FGFR1: variants seen among roughly 807,000 people sequenced by gnomAD.
FGFR1 encodes the protein FGFR1/PLAG1 fusion.
FGFR1 carries 18 observed loss-of-function variants against 93.7 expected under a neutral mutation model. The ratio of observed to expected loss-of-function variants is 0.19; its 90% CI spans 0.13 to 0.28. The LOEUF (loss-of-function observed/expected upper bound fraction) is 0.28. Ranked by LOEUF, FGFR1 falls within the 10% of genes least tolerant of loss-of-function variation. The pLI, the probability that FGFR1 is intolerant of heterozygous loss-of-function variation, is 1.00. For missense variants in FGFR1, 731 were observed against 1,080.4 expected (o/e 0.68, Z 4.53); for synonymous variants, 448 against 429.3 (o/e 1.04, Z -0.54).
At position 38,424,565 on chromosome 8, in the gene FGFR1, C is replaced by T. The variant is rs528376963; in HGVS notation, c.880G>A (p.Glu294Lys). Residue 294 changes from glutamate to lysine, a missense_variant, in exon 7 of 18, where the codon GAG (glutamate) becomes AAG (lysine). Physicochemically the swap from Glu to Lys is moderately conservative, Grantham distance 56. Around this residue, in one of 10 missense-constraint regions of FGFR1, gnomAD observed 109 missense variants for 249.4 expected, o/e 0.44. Coordinates refer to ENST00000447712, the MANE Select transcript of FGFR1 (RefSeq NM_023110.3). The surrounding 1 kb of genome is among the most constrained non-coding windows in gnomAD (Gnocchi z 4.3). Reference protein sequence around the residue: ...QPHIQWLKHIEVNGSKIGPDN... With the variant: ...QPHIQWLKHIKVNGSKIGPDN... ...GGGCCAATCTTGCTCCCATTCACCT[C>T]GATGTGCTTTAGCCACTGGATGTGC... 3 of 1,614,242 alleles carry T rather than the reference C, an allele frequency of 1.9e-6. No homozygotes were observed. The highest frequency in any genetic ancestry group is 1.1e-5 in the South Asian group (1 of 91,082).
At chr8:38,432,838 C>A (rs886279445) in intron 2 of FGFR1, among the ~76,000 whole-genome samples, 1 of 152,102 alleles carries the variant, frequency 6.6e-6, no homozygotes, top group East Asian at 1.9e-4. Context: ...CTTCAAGACT[C>A]CCTGCAATTG....
At chr8:38,417,648 A>G in intron 11 of FGFR1, 1 of 739,542 alleles carries the variant, frequency 1.4e-6, no homozygotes. Context: ...GATCCAGGAT[A>G]AACACCTGAC....
At chr8:38,427,880 C>G (rs1270160246) in intron 5 of FGFR1, 41 bp downstream of exon 5, 2 of 1,611,978 alleles carry the variant, frequency 1.2e-6, no homozygotes, top group Non-Finnish European at 1.7e-6. Flanking sequence ...TCGGCCTCCC[C>G]TGTTCCCATT....
intron 9 of FGFR1, among the ~76,000 whole-genome samples, chr8:38,419,220 T>C (rs1309266210): frequency 6.6e-6 from 1 of 152,236 alleles, no homozygotes; most frequent in Non-Finnish European, 1.5e-5. Context: ...ATCTCTGCAC[T>C]TCTAAGCAGC....
At position 38,414,135 on chromosome 8, in the gene FGFR1, C is replaced by T. The variant is rs762111038; in HGVS notation, c.2186+17G>A. The T allele has an allele frequency of 1.6e-5, 26 of 1,614,086 alleles. No homozygotes were observed. Among genetic ancestry groups the T allele is most frequent in the Non-Finnish European group, 2.2e-5 (26 of 1,180,042 alleles). ...CCAAGGCCTGGCTCAGGGCCTCCGA[C>T]ATCTCCTCGGGCTTACAGCTCGTTG... On this transcript the variant is annotated intron_variant, in intron 16 of 17. Transcript: ENST00000447712.
At position 38,411,510 on chromosome 8, in the gene FGFR1, G is replaced by T; in HGVS notation, c.*2118C>A. 4.4e-6 allele frequency: 1 copy of T among 228,808 alleles called. No individual in the cohort carries two copies. Among genetic ancestry groups the T allele is most frequent in the Non-Finnish European group, 8.7e-6 (1 of 115,338 alleles). 14.2% of individuals were successfully genotyped at this position (228,808 alleles called of 1,614,324 possible). ...TGCTATTTACAGAGAGAAACAAAGA[G>T]AATTTTACAATAGTCGCCAACACTG... On this transcript the variant is annotated 3_prime_UTR_variant, in exon 18 of 18. Transcript: ENST00000447712.
At chr8:38,425,738 C>T (rs1369429982) in intron 6 of FGFR1, among the ~76,000 whole-genome samples, 1 of 152,234 alleles carries the variant, frequency 6.6e-6, no homozygotes, top group Non-Finnish European at 1.5e-5. Context: ...TAGACTAATA[C>T]TGCCCACCTT....
intron 7 of FGFR1, chr8:38,423,969 A>G: frequency 5.1e-6 from 1 of 195,740 alleles, no homozygotes. Flanking sequence ...GGATTAATGG[A>G]GCATTCAGGG....
chr8:38,422,240 A>G, intron 7 of FGFR1: 1 of 482,330 alleles, frequency 2.1e-6, no homozygotes, highest in Non-Finnish European at 3.8e-6. Flanking sequence ...CGGCATGGAG[A>G]AATGGGGCCG....
intron 2 of FGFR1, chr8:38,430,294 C>T (rs537222557): frequency 1.4e-5 from 4 of 279,944 alleles, no homozygotes; most frequent in South Asian, 7.9e-5. Context: ...TCTTTGTGTC[C>T]GGAGTTGCCC....
chr8:38,450,841 AG>A (rs1177108094), intron 2 of FGFR1, among the ~76,000 whole-genome samples: 1 of 152,212 alleles, frequency 6.6e-6, no homozygotes, highest in African/African-American at 2.4e-5. Context: ...GCAATGCAGA[AG>A]CCGGAGCCAA....
At chr8:38,441,081 T>C in intron 2 of FGFR1, among the ~76,000 whole-genome samples, 1 of 119,006 alleles carries the variant, frequency 8.4e-6, no homozygotes, top group African/African-American at 3.2e-5. Flanking sequence ...CAAAAACAGA[T>C]CCCCCCGAGC....
intron 2 of FGFR1, among the ~76,000 whole-genome samples, chr8:38,453,389 T>C (rs1219159610): frequency 6.6e-6 from 1 of 152,234 alleles, no homozygotes; most frequent in Non-Finnish European, 1.5e-5. Context: ...TCTGCAGACA[T>C]GCTTATTTGA....
intron 2 of FGFR1, among the ~76,000 whole-genome samples, chr8:38,448,416 A>C (rs1390667982): frequency 1.3e-5 from 2 of 151,632 alleles, no homozygotes; most frequent in Non-Finnish European, 2.9e-5. Context: ...AGTAGATGGG[A>C]TTATAGGTGC....
Position 38,417,430 on chromosome 8 carries a change from G to T in FGFR1, c.1553-14C>A. ...CTGTTGCGTCCGCTTTAAAGAACAC[G>T]TTGAGACTCATTTACTTGGGAAGGG... On this transcript the variant is annotated splice_polypyrimidine_tract_variant and intron_variant, in intron 11 of 17. Coordinates refer to ENST00000447712, the MANE Select transcript of FGFR1 (RefSeq NM_023110.3). 1 of 1,606,470 alleles carries T rather than the reference G, an allele frequency of 6.2e-7. No individual in the cohort carries two copies. Among genetic ancestry groups the T allele is most frequent in the Non-Finnish European group, 8.5e-7 (1 of 1,173,586 alleles).
At chr8:38,423,312 GTTTTTTTTTTT>G (rs58594253) in intron 7 of FGFR1, 2 of 360,884 alleles carry the variant, frequency 5.5e-6, no homozygotes, top group East Asian at 1.2e-4. Context: ...TTCCCTTTTA[GTTTTTTTTTTT>G]TTTTTTTTTT....
Position 38,424,928 on chromosome 8 carries a change from C to T in FGFR1, c.746-229G>A, listed in dbSNP as rs1045130005. Among the ~76,000 whole-genome samples, 2 of 152,224 alleles carry T rather than the reference C, an allele frequency of 1.3e-5. No individual in the cohort carries two copies. Among genetic ancestry groups the T allele is most frequent in the South Asian group, 4.1e-4 (2 of 4,830 alleles). On this transcript the variant is annotated intron_variant, in intron 6 of 17. Transcript: ENST00000447712. The surrounding 1 kb of genome is among the most constrained non-coding windows in gnomAD (Gnocchi z 4.3). Reference sequence around the variant, plus strand: ...AAGGCAGTCATCATATTTACAGTCACAGTAAGTCGCTCATGCTTTAATGGA... The same window carrying T: ...AAGGCAGTCATCATATTTACAGTCATAGTAAGTCGCTCATGCTTTAATGGA...
chr8:38,459,109 C>T (rs1163953632), intron 1 of FGFR1: 7 of 227,242 alleles, frequency 3.1e-5, no homozygotes, highest in Admixed American at 1.7e-4. Flanking sequence ...TCTTAAAGAA[C>T]GGATCATAGC....
rs111881339 is a variant in FGFR1 at position 38,428,175 on chromosome 8, C to G, written c.449-82G>C. 1.1e-3 allele frequency: 1,752 copies of G among 1,587,056 alleles called. 14 individuals carry two copies. The African/African-American group carries it at 0.016, about 15-fold the overall frequency. ...TCAGGAGCAGGGCCCAGGCCAGGACCTGGAGGTGTCTTGCCCATCTGCCCA... is the reference window on the plus strand; with the variant it reads ...TCAGGAGCAGGGCCCAGGCCAGGACGTGGAGGTGTCTTGCCCATCTGCCCA... On this transcript the variant is annotated intron_variant, in intron 4 of 17. Transcript: ENST00000447712.
Sources: gnomAD v4.1 joint callset for allele counts (sites outside exome capture counted in the v4.1 genomes callset) on GRCh38, gnomAD v4.1.1 for gene constraint, gnomAD v4.1.1 regional missense constraint, Gnocchi (gnomAD v3.1) non-coding constraint, MANE v1.5 for transcripts, NCBI Gene and HGNC (gene_info 2026-07-23, HGNC 2026-07-21) for gene names.